The following KIAA1549L variants were observed in gnomAD, a reference collection of about 807,000 sequenced individuals.
The protein encoded by KIAA1549L is KIAA1549 like, also known as UPF0606 protein KIAA1549L.
KIAA1549L carries 88 observed loss-of-function variants against 160.7 expected under a neutral mutation model. The ratio of observed to expected loss-of-function variants is 0.55; its 90% CI spans 0.46 to 0.65. KIAA1549L has a LOEUF of 0.65. KIAA1549L is among the 30% of genes least tolerant of loss of function. The probability of loss-of-function intolerance (pLI) is 0.00; values close to 1 mark genes in which losing one functional copy is unlikely to be tolerated. For synonymous variants in KIAA1549L, 950 were observed against 976.7 expected, an observed-to-expected ratio of 0.97 and a Z score of 0.51; for missense variants, 2,258 against 2,437.5, an observed-to-expected ratio of 0.93 and a Z score of 1.55.
chr11:33,491,861 A>G (rs1489638596), intron 1 of KIAA1549L, among the ~76,000 whole-genome samples: 2 of 152,216 alleles, frequency 1.3e-5, no homozygotes, highest in African/African-American at 4.8e-5. Context: ...CATGGCCATC[A>G]AGTGCTAGAA....
Position 33,489,245 on chromosome 11 carries a change from G to A in KIAA1549L, c.239-52557G>A, listed in dbSNP as rs181109706. 1.1e-3 allele frequency among the ~76,000 whole-genome samples: 175 copies of A among 152,332 alleles called. 1 individual carries two copies. Among genetic ancestry groups the A allele is most frequent in the African/African-American group, 4.0e-3 (168 of 41,568 alleles). On this transcript the variant is annotated intron_variant, in intron 1 of 20. Coordinates refer to ENST00000658780, the MANE Select transcript of KIAA1549L (RefSeq NM_012194.3). ...TGCCAGCAGGATTGGTTTCTGGTAA[G>A]GTCTCGCTCCCCACCTTATAGATCA... is the stretch of plus-strand genomic sequence containing the variant.
chr11:33,470,026 A>G (rs144840620), intron 1 of KIAA1549L, among the ~76,000 whole-genome samples: 2 of 152,186 alleles, frequency 1.3e-5, no homozygotes, highest in Admixed American at 6.5e-5. Flanking sequence ...ATGAAGTTCA[A>G]TTTATCTATT....
intron 15 of KIAA1549L, among the ~76,000 whole-genome samples, chr11:33,613,657 C>T (rs1460660329): frequency 1.3e-5 from 2 of 152,162 alleles, no homozygotes; most frequent in South Asian, 2.1e-4. Flanking sequence ...GATCCAGTCA[C>T]CTCCCACCAG....
chr11:33,443,037 T>A (rs2132950679), intron 1 of KIAA1549L, among the ~76,000 whole-genome samples: 1 of 150,580 alleles, frequency 6.6e-6, no homozygotes, highest in East Asian at 1.9e-4. Context: ...TTAATTTGCT[T>A]AATTATCTTT....
intron 16 of KIAA1549L, among the ~76,000 whole-genome samples, chr11:33,621,313 C>T (rs1354068725): frequency 6.6e-6 from 1 of 152,172 alleles, no homozygotes; most frequent in Non-Finnish European, 1.5e-5. Flanking sequence ...GGTTTGGGAT[C>T]ACTGCGTTTT....
rs558635917 is a variant in KIAA1549L, at chr11:33,583,407, C to T, written c.4472C>T (p.Thr1491Met). 3.2e-5 allele frequency: 51 copies of T among 1,602,170 alleles called. No individual in the cohort carries two copies. The highest frequency in any genetic ancestry group is 1.0e-4 in the Admixed American group (6 of 58,326). ...AAVLAPIAVV[T>M]VIIIIITAVL... is the part of the protein sequence containing the mutation. ...GTGCTGGCGCCCATTGCCGTGGTCA[C>T]GGTCATCATCATCATCATCACTGCC... is the stretch of plus-strand genomic sequence containing the variant. Residue 1491 changes from threonine to methionine, a missense_variant, in exon 11 of 21, where the codon ACG (threonine) becomes ATG (methionine). By Grantham distance (81) the Thr-to-Met change is moderately conservative. Transcript: ENST00000658780.
chr11:33,630,565 T>C (rs1851255344), intron 16 of KIAA1549L, among the ~76,000 whole-genome samples: 1 of 152,210 alleles, frequency 6.6e-6, no homozygotes, highest in Non-Finnish European at 1.5e-5. Flanking sequence ...TGTCACCCCT[T>C]TCTTTGACTA....
chr11:33,476,810 C>G (rs116976036), intron 1 of KIAA1549L, among the ~76,000 whole-genome samples: 1 of 152,210 alleles, frequency 6.6e-6, no homozygotes, highest in African/African-American at 2.4e-5. Context: ...CACTGAAACA[C>G]GTTACCCTGT....
At chr11:33,593,447 ATATAAT>A (rs1850115742) in intron 12 of KIAA1549L, among the ~76,000 whole-genome samples, 1 of 152,172 alleles carries the variant, frequency 6.6e-6, no homozygotes, top group South Asian at 2.1e-4. Flanking sequence ...TCAAAATAAA[ATATAAT>A]TAAAATAAAT....
chr11:33,451,359 A>G (rs1311969848), intron 1 of KIAA1549L, among the ~76,000 whole-genome samples: 2 of 152,198 alleles, frequency 1.3e-5, no homozygotes, highest in African/African-American at 4.8e-5. Context: ...ATAAAGTGTT[A>G]TGGGCCCGAA....
intron 15 of KIAA1549L, among the ~76,000 whole-genome samples, chr11:33,617,992 T>G (rs969614161): frequency 6.6e-6 from 1 of 152,216 alleles, no homozygotes; most frequent in African/African-American, 2.4e-5. Context: ...CCAAATTACA[T>G]CTGGGTTTAT....
At chr11:33,640,796 T>C (rs1158409496) in intron 16 of KIAA1549L, among the ~76,000 whole-genome samples, 1 of 152,236 alleles carries the variant, frequency 6.6e-6, no homozygotes, top group Non-Finnish European at 1.5e-5. Context: ...GAATTTTTAT[T>C]GAAGTATATC....
intron 8 of KIAA1549L, among the ~76,000 whole-genome samples, chr11:33,564,631 C>T (rs151123407): frequency 4.1e-4 from 62 of 152,356 alleles, no homozygotes; most frequent in African/African-American, 1.5e-3. Context: ...CAGCCCATTT[C>T]AGGCTTATCC....
intron 1 of KIAA1549L, among the ~76,000 whole-genome samples, chr11:33,394,302 C>G (rs1221328726): frequency 6.6e-6 from 1 of 152,132 alleles, no homozygotes; most frequent in Non-Finnish European, 1.5e-5. Context: ...GGGAGGATCA[C>G]TTGAGCCCAG....
At chr11:33,505,177 C>T (rs751840419) in intron 1 of KIAA1549L, among the ~76,000 whole-genome samples, 83 of 152,212 alleles carry the variant, frequency 5.5e-4, no homozygotes, top group Non-Finnish European at 1.0e-3. Context: ...TTCCTTCTGT[C>T]ATACATCCTC....
intron 1 of KIAA1549L, among the ~76,000 whole-genome samples, chr11:33,463,442 G>A (rs919048774): frequency 6.6e-6 from 1 of 151,808 alleles, no homozygotes; most frequent in Non-Finnish European, 1.5e-5. Flanking sequence ...ACGACCACCA[G>A]TTGAAACCAT....
chr11:33,443,345 A>G (rs577567203), intron 1 of KIAA1549L, among the ~76,000 whole-genome samples: 2 of 151,302 alleles, frequency 1.3e-5, no homozygotes, highest in East Asian at 3.9e-4. Flanking sequence ...TTATAAACCT[A>G]TTTCCTTAAA....
intron 13 of KIAA1549L, among the ~76,000 whole-genome samples, 156 bp from the exon 14 acceptor site, chr11:33,606,485 A>G (rs1850504126): frequency 6.6e-6 from 1 of 152,226 alleles, no homozygotes; most frequent in Non-Finnish European, 1.5e-5. Context: ...GAAAACCGCT[A>G]GCAGTAGCGA....
chr11:33,615,790 T>G (rs571046007), intron 15 of KIAA1549L, among the ~76,000 whole-genome samples: 1 of 152,348 alleles, frequency 6.6e-6, no homozygotes, highest in Admixed American at 6.5e-5. Context: ...TCTTAGTATT[T>G]ACTCCACCAC....
Sources: gnomAD v4.1 joint callset for allele counts (sites outside exome capture counted in the v4.1 genomes callset) on GRCh38, gnomAD v4.1.1 for gene constraint, MANE v1.5 for transcripts, NCBI Gene and HGNC (gene_info 2026-07-23, HGNC 2026-07-21) for gene names.